PROS1: variants seen among roughly 807,000 people sequenced by gnomAD.
The protein encoded by PROS1 is protein S, also known as vitamin K-dependent protein S.
PROS1 carries 29 observed loss-of-function variants against 75.9 expected under a neutral mutation model. The ratio of observed to expected loss-of-function variants is 0.38; its 90% CI spans 0.28 to 0.52. The LOEUF is 0.52. PROS1 is among the 20% of genes least tolerant of loss of function. The pLI is 0.83. For synonymous variants in PROS1, 245 were observed against 280.6 expected (o/e 0.87, Z 1.27); for missense variants, 680 against 810.3 (o/e 0.84, Z 1.95).
At chr3:93,893,530 T>C (rs1030101534) in intron 9 of PROS1, among the ~76,000 whole-genome samples, 2 of 152,148 alleles carry the variant, frequency 1.3e-5, no homozygotes, top group African/African-American at 4.8e-5. Context: ...GTTTTTTTTG[T>C]TGTTGTTCTT....
intron 1 of PROS1, among the ~76,000 whole-genome samples, chr3:93,954,846 C>G (rs559140425): frequency 1.3e-5 from 2 of 152,282 alleles, no homozygotes; most frequent in African/African-American, 4.8e-5. Context: ...GGGCTAATAT[C>G]CAGAATCTAC....
intron 1 of PROS1, among the ~76,000 whole-genome samples, chr3:93,944,686 T>C (rs1206582211): frequency 6.6e-6 from 1 of 152,164 alleles, no homozygotes; most frequent in Non-Finnish European, 1.5e-5. Context: ...TAGCACTAAA[T>C]GCCCACAAGA....
intron 1 of PROS1, among the ~76,000 whole-genome samples, chr3:93,939,830 T>C (rs1709254610): frequency 2.0e-5 from 3 of 152,182 alleles, no homozygotes; most frequent in South Asian, 2.1e-4. Flanking sequence ...CTCCCGACAT[T>C]AGAAAAAGCT....
At position 93,884,822 on chromosome 3, in the gene PROS1, A is replaced by G. The variant is rs1708323464; in HGVS notation, c.1398T>C (p.Ile466=). ...MKQGASGIKE[I]IQEKQNKHCL... is the part of the protein sequence containing the mutation. ...AATGCTTATTTTGTTTTTCTTGAAT[A>G]ATTTCCTTTATTCCAGAAGCTCCTT... Residue 466 remains isoleucine, a synonymous_variant, in exon 12 of 15, where the codon ATT becomes ATC. Coordinates refer to ENST00000394236, the MANE Select transcript of PROS1 (RefSeq NM_000313.4). The G allele has an allele frequency of 6.2e-7, 1 of 1,613,694 alleles. No homozygotes were observed. The highest frequency in any genetic ancestry group is 2.2e-5 in the East Asian group (1 of 44,824).
At position 93,896,557 on chromosome 3, in the gene PROS1, A is replaced by G. The variant is rs1559932703; in HGVS notation, c.965+19T>C. 1.3e-6 allele frequency: 2 copies of G among 1,542,520 alleles called. No homozygotes were observed. The highest frequency in any genetic ancestry group is 9.0e-7 in the Non-Finnish European group (1 of 1,115,284). On this transcript the variant is annotated intron_variant, in intron 9 of 14. Coordinates refer to ENST00000394236, the MANE Select transcript of PROS1 (RefSeq NM_000313.4). ...ATCTGCTTAACCTCTAGAAATTATCATTGGTATTGGTTCCTCACCTGCTGA... is the reference window on the plus strand; with the variant it reads ...ATCTGCTTAACCTCTAGAAATTATCGTTGGTATTGGTTCCTCACCTGCTGA...
intron 3 of PROS1, among the ~76,000 whole-genome samples, chr3:93,922,612 A>G (rs1186285837): frequency 6.6e-6 from 1 of 152,178 alleles, no homozygotes; most frequent in South Asian, 2.1e-4. Context: ...TGGTGACCTT[A>G]TCTCACTACA....
intron 3 of PROS1, among the ~76,000 whole-genome samples, chr3:93,919,256 C>T (rs2107190507): frequency 6.6e-6 from 1 of 152,304 alleles, no homozygotes; most frequent in Middle Eastern, 3.4e-3. Flanking sequence ...GGTGCATTCT[C>T]ACCAGTGGAG....
chr3:93,969,926 G>T (rs1322973760), intron 1 of PROS1, among the ~76,000 whole-genome samples: 1 of 152,134 alleles, frequency 6.6e-6, no homozygotes, highest in African/African-American at 2.4e-5. Context: ...GAACAGAAAA[G>T]GTCTATTGTT....
At position 93,905,661 on chromosome 3, in the gene PROS1, G is replaced by A. The variant is rs1350298165; in HGVS notation, c.601+123C>T. The A allele has an allele frequency of 3.6e-5, 38 of 1,056,618 alleles. No individual in the cohort carries two copies. The South Asian group carries it at 3.7e-4, about 10-fold the overall frequency. 65.5% of individuals were successfully genotyped at this position (1,056,618 alleles called of 1,614,324 possible). On this transcript the variant is annotated intron_variant, in intron 6 of 14. Coordinates refer to ENST00000394236, the MANE Select transcript of PROS1 (RefSeq NM_000313.4). ...CACAGTATCACAAGGCTTCAATGTC[G>A]ATAAAAATGTGTTAGTATAAGCACT...
chr3:93,901,463 T>G (rs1404384712), intron 6 of PROS1, among the ~76,000 whole-genome samples: 2 of 152,146 alleles, frequency 1.3e-5, no homozygotes, highest in Non-Finnish European at 2.9e-5. Flanking sequence ...TTCCAGAAAT[T>G]TCAGATGCAT....
intron 1 of PROS1, among the ~76,000 whole-genome samples, chr3:93,940,666 C>T (rs922717899): frequency 1.5e-4 from 23 of 152,112 alleles, no homozygotes; most frequent in African/African-American, 5.3e-4. Context: ...TATCCCCCTA[C>T]TTCTACTACC....
At chr3:93,952,588 G>C (rs1173230924) in intron 1 of PROS1, among the ~76,000 whole-genome samples, 3 of 152,152 alleles carry the variant, frequency 2.0e-5, no homozygotes, top group African/African-American at 7.2e-5. Context: ...AGTGTGTAGA[G>C]GGAAATTTAT....
chr3:93,910,786 G>T, intron 3 of PROS1, 81 bp from the exon 4 acceptor site: 1 of 1,152,438 alleles, frequency 8.7e-7, no homozygotes, highest in Non-Finnish European at 1.3e-6. Flanking sequence ...TGTCCCAAGA[G>T]GTAGGACATT....
At chr3:93,898,771 A>T (rs1464343376) in intron 7 of PROS1, among the ~76,000 whole-genome samples, 1 of 152,136 alleles carries the variant, frequency 6.6e-6, no homozygotes, top group African/African-American at 2.4e-5. Flanking sequence ...GTTTTTATTT[A>T]CATATTTGAA....
At chr3:93,963,241 TCTGA>T (rs1709735157) in intron 1 of PROS1, among the ~76,000 whole-genome samples, 1 of 152,198 alleles carries the variant, frequency 6.6e-6, no homozygotes, top group African/African-American at 2.4e-5. Context: ...AGTCTGAAAA[TCTGA>T]CTATCTGACA....
At chr3:93,961,348 G>T (rs1162311704) in intron 1 of PROS1, among the ~76,000 whole-genome samples, 1 of 152,200 alleles carries the variant, frequency 6.6e-6, no homozygotes, top group Non-Finnish European at 1.5e-5. Flanking sequence ...GAGACAAAAA[G>T]CAGCAGCTGA....
intron 6 of PROS1, among the ~76,000 whole-genome samples, chr3:93,901,742 T>G (rs8178635): frequency 0.081 from 12,338 of 152,246 alleles, 629 homozygotes; most frequent in Middle Eastern, 0.2. Flanking sequence ...ATAAAACCAG[T>G]TCCCTTGTAG....
chr3:93,896,877 T>TAC, intron 8 of PROS1, among the ~76,000 whole-genome samples, 186 bp from the exon 9 acceptor site: 1 of 152,308 alleles, frequency 6.6e-6, no homozygotes, highest in East Asian at 1.9e-4. Context: ...AGTCTATCTA[T>TAC]CAGTATAACC....
chr3:93,915,833 TA>T (rs1708838159), intron 3 of PROS1, among the ~76,000 whole-genome samples: 1 of 152,150 alleles, frequency 6.6e-6, no homozygotes, highest in Non-Finnish European at 1.5e-5. Flanking sequence ...CACAGCAATC[TA>T]GGCTCTTCCT....
Sources: allele counts gnomAD v4.1 joint callset (sites outside exome capture counted in the v4.1 genomes callset), GRCh38; gene constraint gnomAD v4.1.1; transcripts MANE v1.5; gene names NCBI Gene and HGNC (gene_info 2026-07-23, HGNC 2026-07-21).